Variants in GABRB3 observed in about 807,000 individuals in gnomAD.
GABRB3 encodes gamma-aminobutyric acid type A receptor subunit beta3, also known as gamma-aminobutyric acid receptor subunit beta-3.
A neutral mutation model predicts 52.1 loss-of-function variants in GABRB3; 14 were observed. The ratio of observed to expected loss-of-function variants is 0.27; its 90% CI spans 0.18 to 0.42. The LOEUF is 0.42. Ranked by LOEUF, GABRB3 falls within the 10% of genes least tolerant of loss-of-function variation. The pLI is 1.00. For synonymous variants in GABRB3, 260 were observed against 232.3 expected (o/e 1.12, Z -1.08); for missense variants, 307 against 609.1 (o/e 0.50, Z 5.22).
intron 3 of GABRB3, among the ~76,000 whole-genome samples, chr15:26,766,088 T>C (rs527997867): frequency 6.6e-6 from 1 of 152,216 alleles, no homozygotes; most frequent in Non-Finnish European, 1.5e-5. Flanking sequence ...ACCTGAAGCA[T>C]TTTATAAACC....
chr15:26,583,075 T>C (rs1325512328), intron 5 of GABRB3, among the ~76,000 whole-genome samples: 2 of 152,136 alleles, frequency 1.3e-5, no homozygotes, highest in African/African-American at 2.4e-5. Context: ...GTGTTTGCTC[T>C]CCTCTCACTG....
At position 26,680,863 on chromosome 15, in the gene GABRB3, G is replaced by C. The variant is rs535869021; in HGVS notation, c.241-59329C>G. Among the ~76,000 whole-genome samples, 8 of 152,272 alleles carry C rather than the reference G, an allele frequency of 5.3e-5. No homozygotes were observed. In the East Asian group the frequency reaches 1.5e-3, roughly 29 times the overall value. On this transcript the variant is annotated intron_variant, in intron 3 of 8. Transcript: ENST00000311550. ...AGAGAGGGGTTTGTTGTCAAACTCA[G>C]GTCAAGGAACACCACATTCTTACTG... is the stretch of plus-strand genomic sequence containing the variant.
intron 8 of GABRB3, among the ~76,000 whole-genome samples, chr15:26,553,024 T>C (rs1320974241): frequency 2.0e-5 from 3 of 152,226 alleles, no homozygotes; most frequent in African/African-American, 7.2e-5. Flanking sequence ...ATAAGCTCAA[T>C]TCGATTGTAT....
chr15:26,748,373 T>C (rs1224137889), intron 3 of GABRB3, among the ~76,000 whole-genome samples: 1 of 152,210 alleles, frequency 6.6e-6, no homozygotes, highest in Non-Finnish European at 1.5e-5. Context: ...GAACTTCTAA[T>C]TACAAATTCA....
At chr15:26,572,470 C>T (rs942020262) in intron 6 of GABRB3, among the ~76,000 whole-genome samples, 18 of 152,190 alleles carry the variant, frequency 1.2e-4, no homozygotes, top group Admixed American at 1.2e-3. Flanking sequence ...GAATGTTAGT[C>T]AACCCAAGAA....
At position 26,658,268 on chromosome 15, in the gene GABRB3, A is replaced by T. The variant is rs114332369; in HGVS notation, c.241-36734T>A. On this transcript the variant is annotated intron_variant, in intron 3 of 8. Coordinates refer to ENST00000311550, the MANE Select transcript of GABRB3 (RefSeq NM_000814.6). Reference sequence around the variant, plus strand: ...TGCCCACCAAACTATCTCTAAAAAAAACCCCAGCCTTCTAATTTTTTAATT... The same window carrying T: ...TGCCCACCAAACTATCTCTAAAAAATACCCCAGCCTTCTAATTTTTTAATT... 2.8e-3 allele frequency among the ~76,000 whole-genome samples: 421 copies of T among 152,326 alleles called. 4 individuals carry two copies. Among genetic ancestry groups the T allele is most frequent in the African/African-American group, 9.5e-3 (394 of 41,576 alleles).
chr15:26,590,502 C>A (rs1891155678), intron 4 of GABRB3, among the ~76,000 whole-genome samples: 1 of 152,156 alleles, frequency 6.6e-6, no homozygotes. Context: ...AGGCAGCTAT[C>A]ATTTTACCAG....
chr15:26,607,493 G>T (rs934788340), intron 4 of GABRB3, among the ~76,000 whole-genome samples: 17 of 151,870 alleles, frequency 1.1e-4, no homozygotes, highest in Admixed American at 7.9e-4. Flanking sequence ...GATCCTGTGT[G>T]CCCAGGAGTT....
chr15:26,615,521 A>G (rs1033256073), intron 4 of GABRB3: 1 of 850,848 alleles, frequency 1.2e-6, no homozygotes, highest in Non-Finnish European at 1.4e-6. Context: ...ACCTTTTATC[A>G]CTACAAGAAT....
intron 3 of GABRB3, among the ~76,000 whole-genome samples, chr15:26,718,993 C>A (rs1889573497): frequency 6.6e-6 from 1 of 152,268 alleles, no homozygotes; most frequent in Non-Finnish European, 1.5e-5. Context: ...TCCTCCACTG[C>A]CCTTCACCAG....
rs938113248 is a variant in GABRB3 at position 26,701,352 on chromosome 15, A to T, written c.240+71050T>A. Among the ~76,000 whole-genome samples, 83 of 152,330 alleles carry T rather than the reference A, an allele frequency of 5.4e-4. 1 individual carries two copies. Among genetic ancestry groups the T allele is most frequent in the African/African-American group, 1.8e-3 (75 of 41,582 alleles). ...ACAGATGACATGAAAATCCAATGGG[A>T]TCTACAGAAAAGCTACTGGAATTAA... is the stretch of plus-strand genomic sequence containing the variant. On this transcript the variant is annotated intron_variant, in intron 3 of 8. Coordinates refer to ENST00000311550, the MANE Select transcript of GABRB3 (RefSeq NM_000814.6).
In GABRB3 at chr15:26,547,872, ATG is replaced by A; in HGVS notation, c.1341_1342del (p.Ile448ArgfsTer25). 6.2e-7 allele frequency: 1 copy of A among 1,614,200 alleles called. No homozygotes were observed. Among genetic ancestry groups the A allele is most frequent in the Non-Finnish European group, 8.5e-7 (1 of 1,180,028 alleles). On this transcript the variant is annotated frameshift_variant, in exon 9 of 9. Coordinates refer to ENST00000311550, the MANE Select transcript of GABRB3 (RefSeq NM_000814.6). LOFTEE classifies it high-confidence loss of function. ...AAACACGATCCTGGACCATCTGTCTATGGCATTCACATCGGTTAGATCAGGTA... is the reference window on the plus strand; with the variant it reads ...AAACACGATCCTGGACCATCTGTCTAGCATTCACATCGGTTAGATCAGGTA...
Position 26,588,322 on chromosome 15 carries a change from T to TTGAGCAGTTGCTCA in GABRB3, c.462-4922_462-4909dup, listed in dbSNP as rs1439702107. Reference sequence around the variant, plus strand: ...ATATCTGTACTTTATGGAACACCAGTTGAGCAGTTGCTCAGTGCCCAGTTC... The same window carrying TTGAGCAGTTGCTCA: ...ATATCTGTACTTTATGGAACACCAGTTGAGCAGTTGCTCATGAGCAGTTGCTCAGTGCCCAGTTC... On this transcript the variant is annotated intron_variant, in intron 4 of 8. Transcript: ENST00000311550. Among the ~76,000 whole-genome samples, 72 of 152,360 alleles carry TTGAGCAGTTGCTCA rather than the reference T, an allele frequency of 4.7e-4. 1 individual carries two copies. The highest frequency in any genetic ancestry group is 1.6e-3 in the African/African-American group (68 of 41,588).
chr15:26,700,445 A>G (rs1888891171), intron 3 of GABRB3, among the ~76,000 whole-genome samples: 1 of 152,228 alleles, frequency 6.6e-6, no homozygotes, highest in Non-Finnish European at 1.5e-5. Context: ...AATACTGACA[A>G]GTAGAGAACA....
At chr15:26,642,670 C>A in intron 3 of GABRB3, 1 of 400,228 alleles carries the variant, frequency 2.5e-6, no homozygotes, top group Non-Finnish European at 5.1e-6. Context: ...CCCCCGCACA[C>A]ACACACCAAA....
At chr15:26,722,019 T>C (rs1241307128) in intron 3 of GABRB3, among the ~76,000 whole-genome samples, 1 of 152,198 alleles carries the variant, frequency 6.6e-6, no homozygotes, top group African/African-American at 2.4e-5. Context: ...GAAAAAAGTT[T>C]TACATTCTTT....
At chr15:26,737,988 T>G (rs1405315149) in intron 3 of GABRB3, among the ~76,000 whole-genome samples, 2 of 152,216 alleles carry the variant, frequency 1.3e-5, no homozygotes, top group Non-Finnish European at 2.9e-5. Flanking sequence ...TGTTTCTGTG[T>G]GGTTGATTGC....
intron 3 of GABRB3, among the ~76,000 whole-genome samples, chr15:26,760,678 A>G (rs1890791496): frequency 6.6e-6 from 1 of 151,994 alleles, no homozygotes; most frequent in Admixed American, 6.6e-5. Context: ...ATAAATGGAT[A>G]ATTGATTGAT....
At chr15:26,661,285 C>T (rs1013705401) in intron 3 of GABRB3, among the ~76,000 whole-genome samples, 14 of 152,090 alleles carry the variant, frequency 9.2e-5, no homozygotes, top group Admixed American at 9.2e-4. Flanking sequence ...CACATGCCTA[C>T]ACATGCACAT....
Sources: allele counts gnomAD v4.1 joint callset (sites outside exome capture counted in the v4.1 genomes callset), GRCh38; gene constraint gnomAD v4.1.1; transcripts MANE v1.5; gene names NCBI Gene and HGNC (gene_info 2026-07-23, HGNC 2026-07-21).